Variants in FGD1 observed in about 807,000 individuals in gnomAD.
The protein encoded by FGD1 is FYVE, RhoGEF and PH domain-containing protein 1.
In FGD1, 12 loss-of-function variants were observed where a neutral mutation model predicts 65.0. That is an observed-to-expected ratio of 0.18 (90% CI 0.12 to 0.30). The LOEUF is 0.30. Ranked by LOEUF, FGD1 falls within the 10% of genes least tolerant of loss-of-function variation. The probability of loss-of-function intolerance (pLI) is 1.00; values close to 1 mark genes in which losing one functional copy is unlikely to be tolerated. For synonymous variants in FGD1, 333 were observed against 343.9 expected (o/e 0.97, Z 0.35); for missense variants, 542 against 837.6 (o/e 0.65, Z 4.36).
At chrX:54,469,935 G>A in intron 4 of FGD1, 81 bp downstream of exon 4, 1 of 895,450 alleles carries the variant, frequency 1.1e-6, no homozygotes, top group Non-Finnish European at 1.6e-6. Flanking sequence ...GAGAAATACT[G>A]AGCTAGGGGA....
Position 54,495,139 on chromosome X carries a change from C to T in FGD1, c.294G>A (p.Ser98=). ...ALRFSYHLEG[S]QPRPGLHQGN... ...TCGCTCACTCACCAGGCCGAGGCTG[C>T]GAGCCCTCCAGGTGGTAAGAGAAGC... Residue 98 remains serine (S), a synonymous_variant, in exon 1 of 18, where the codon TCG becomes TCA. Coordinates refer to ENST00000375135, the MANE Select transcript of FGD1 (RefSeq NM_004463.3). The T allele has an allele frequency of 1.7e-6, 2 of 1,183,184 alleles. No homozygotes were observed. The highest frequency in any genetic ancestry group is 1.7e-5 in the African/African-American group (1 of 57,329).
At chrX:54,448,714 T>C in intron 16 of FGD1, 92 bp downstream of exon 16, 1 of 976,542 alleles carries the variant, frequency 1.0e-6, no homozygotes. Flanking sequence ...ATCACTACTG[T>C]TTCCCAAATA....
intron 1 of FGD1, among the ~76,000 whole-genome samples, chrX:54,484,051 G>A (rs1019885323): frequency 9.0e-6 from 1 of 111,686 alleles, no homozygotes; most frequent in Non-Finnish European, 1.9e-5. Flanking sequence ...TGAAACTCCT[G>A]AGCACAGGGA....
chrX:54,469,666 C>T (rs944700553), intron 4 of FGD1, among the ~76,000 whole-genome samples: 7 of 111,810 alleles, frequency 6.3e-5, no homozygotes, highest in African/African-American at 2.3e-4. Context: ...AACTCAAGTG[C>T]GATGGTGCCT....
At chrX:54,481,907 C>T (rs1298745335) in intron 1 of FGD1, among the ~76,000 whole-genome samples, 1 of 110,081 alleles carries the variant, frequency 9.1e-6, no homozygotes, top group South Asian at 3.9e-4. Context: ...GCAGACACCC[C>T]CTTCCCTACA....
intron 1 of FGD1, among the ~76,000 whole-genome samples, chrX:54,485,679 C>T (rs1216087072): frequency 9.0e-6 from 1 of 111,334 alleles, no homozygotes; most frequent in East Asian, 2.8e-4. Flanking sequence ...CTATGTAGCC[C>T]AGGCTGGTCA....
Position 54,471,443 on chromosome X carries a change from C to T in FGD1, c.352G>A (p.Asp118Asn), listed in dbSNP as rs1922893961. Residue 118 changes from aspartate to asparagine, a missense_variant, in exon 2 of 18, where the codon GAC (aspartate) becomes AAC (asparagine). Around this residue, in one of 6 missense-constraint regions of FGD1, gnomAD observed 297 missense variants for 326.8 expected, o/e 0.91. Coordinates refer to ENST00000375135, the MANE Select transcript of FGD1 (RefSeq NM_004463.3). ...NRILVKSLSL[D>N]PGQSLEPHPE... is the part of the protein sequence containing the mutation. ...TGAGGCTCTAGGCTTTGGCCAGGGT[C>T]AAGGGACAAACTTTTAACCAGGATC... is the stretch of plus-strand genomic sequence containing the variant. 3 of 1,211,593 alleles carry T rather than the reference C, an allele frequency of 2.5e-6. No homozygotes were observed. The highest frequency in any genetic ancestry group is 3.4e-6 in the Non-Finnish European group (3 of 895,522).
intron 1 of FGD1, among the ~76,000 whole-genome samples, chrX:54,489,897 G>A (rs1387189849): frequency 1.8e-5 from 2 of 112,164 alleles, no homozygotes; most frequent in Non-Finnish European, 3.8e-5. Context: ...GTTCATCACA[G>A]TGCTATTCAC....
chrX:54,477,407 C>G (rs889617995), intron 1 of FGD1, among the ~76,000 whole-genome samples: 9 of 109,899 alleles, frequency 8.2e-5, no homozygotes, highest in African/African-American at 3.0e-4. Flanking sequence ...ATAGGGTGGC[C>G]AGATAAAATA....
chrX:54,482,236 G>GCGCACACACACACA lies in FGD1; in HGVS notation c.308-10750_308-10749insTGTGTGTGTGTGCG, dbSNP rs796491256. 4.5e-3 allele frequency among the ~76,000 whole-genome samples: 444 copies of GCGCACACACACACA among 99,383 alleles called. 5 individuals are homozygous for GCGCACACACACACA. The highest frequency in any genetic ancestry group is 0.014 in the South Asian group (32 of 2,243). The allele number at this position is 99,383 out of a possible 115,157, so 86.3% of individuals were successfully genotyped here. On this transcript the variant is annotated intron_variant, in intron 1 of 17. Transcript: ENST00000375135. ...CAGGCACATGCGCGCGCACACGCGC[G>GCGCACACACACACA]CACACACACACACACACACACACAC...
At position 54,470,696 on chromosome X, in the gene FGD1, A is replaced by C; in HGVS notation, c.546T>G (p.Pro182=). The change falls in exon 3 of 18, where the codon CCT becomes CCG. Residue 182 remains proline, a synonymous_variant. Transcript: ENST00000375135. ...CGGCAGGCAGTGGGCGTGATGGTGG[A>C]GGGGGGATGGGCTCCAGTGGGGGGG... ...RMPPPLEPIP[P]PPSRPLPADP... is the part of the protein sequence containing the mutation. 7.8e-6 allele frequency: 2 copies of C among 256,960 alleles called. No homozygotes were observed. Among genetic ancestry groups the C allele is most frequent in the Non-Finnish European group, 1.1e-5 (2 of 183,461 alleles). 21.2% of individuals were successfully genotyped at this position (256,960 alleles called of 1,213,427 possible). A position where few individuals can be genotyped will look rare whatever the true frequency, so the allele number is the denominator to read the frequency against.
intron 1 of FGD1, among the ~76,000 whole-genome samples, chrX:54,494,402 CTT>C (rs56235590): frequency 0.098 from 5,907 of 60,442 alleles, 605 homozygotes; most frequent in African/African-American, 0.28. Context: ...CACCGTCTTT[CTT>C]TTTTTTTTTT....
At chrX:54,456,487 A>G (rs200335616) in intron 9 of FGD1, 22 bp downstream of exon 9, 330 of 1,207,563 alleles carry the variant, frequency 2.7e-4, no homozygotes, top group Non-Finnish European at 1.7e-5. Context: ...AAGGAAGGGC[A>G]GGGGCTAGAA....
intron 1 of FGD1, among the ~76,000 whole-genome samples, chrX:54,479,190 G>A (rs943207185): frequency 8.9e-6 from 1 of 112,486 alleles, no homozygotes; most frequent in Non-Finnish European, 1.9e-5. Context: ...AGAAAGTCCA[G>A]CATCTAGCTG....
intron 1 of FGD1, among the ~76,000 whole-genome samples, chrX:54,478,772 A>G (rs1176350947): frequency 9.2e-6 from 1 of 108,186 alleles, no homozygotes; most frequent in East Asian, 2.9e-4. Flanking sequence ...TCACACATCC[A>G]CAAAGCCACA....
At chrX:54,449,413 C>CT (rs1922323697) in intron 14 of FGD1, 145 bp from the exon 15 acceptor site, 4 of 733,674 alleles carry the variant, frequency 5.5e-6, no homozygotes, top group Non-Finnish European at 8.2e-6. Flanking sequence ...GAAGACCTGC[C>CT]TTTAAGTCCT....
In FGD1 at chrX:54,471,373, G is replaced by A; in HGVS notation, c.422C>T (p.Thr141Ile). 1.7e-6 allele frequency: 2 copies of A among 1,211,367 alleles called. No individual in the cohort carries two copies. Among genetic ancestry groups the A allele is most frequent in the Non-Finnish European group, 2.2e-6 (2 of 895,571 alleles). ...QRLRSDPGPP[T>I]ETPSQRPSPL... Reference sequence around the variant, plus strand: ...TGAAGGACGCTGGCTAGGGGTTTCAGTCGGGGGACCTGGGTCTGAGCGAAG... The same window carrying A: ...TGAAGGACGCTGGCTAGGGGTTTCAATCGGGGGACCTGGGTCTGAGCGAAG... The change falls in exon 2 of 18, where the codon ACT (threonine) becomes ATT (isoleucine). Residue 141 changes from threonine (T) to isoleucine (I), a missense_variant. This residue lies in a region of FGD1 where 297 missense variants were observed against 326.8 expected (regional missense o/e 0.91). Transcript: ENST00000375135.
At chrX:54,447,203 C>A (rs1450390963) in intron 17 of FGD1, 108 bp downstream of exon 17, 1 of 876,710 alleles carries the variant, frequency 1.1e-6, no homozygotes, top group African/African-American at 2.0e-5. Context: ...GAGATAGGCT[C>A]ACCTTATCTT....
chrX:54,458,580 G>T (rs764165991), intron 8 of FGD1, among the ~76,000 whole-genome samples: 1 of 105,363 alleles, frequency 9.5e-6, no homozygotes, highest in African/African-American at 3.5e-5. Flanking sequence ...CAAAGCCCTT[G>T]GTGATGTGGC....
Sources: allele counts gnomAD v4.1 joint callset (sites outside exome capture counted in the v4.1 genomes callset), GRCh38; gene constraint gnomAD v4.1.1; regional missense constraint gnomAD v4.1.1; transcripts MANE v1.5; gene names NCBI Gene and HGNC (gene_info 2026-07-23, HGNC 2026-07-21).